The following UTRN variants were observed in gnomAD, a reference collection of about 807,000 sequenced individuals.
The protein encoded by UTRN is utrophin.
In UTRN, 283 loss-of-function variants were observed where a neutral mutation model predicts 463.9. The observed-to-expected ratio is 0.61, with a 90% CI of 0.55 to 0.67. UTRN has a LOEUF of 0.67. UTRN is among the 30% of genes least tolerant of loss of function. The pLI, the probability that UTRN is intolerant of heterozygous loss-of-function variation, is 0.00. For missense variants in UTRN, 3,922 were observed against 4,084.3 expected, an observed-to-expected ratio of 0.96 and a Z score of 1.08; for synonymous variants, 1,442 against 1,431.5, an observed-to-expected ratio of 1.01 and a Z score of -0.17.
Position 144,418,927 on chromosome 6 carries a change from T to C in UTRN, c.142-2951T>C, listed in dbSNP as rs1051373461. Among the ~76,000 whole-genome samples, 3 of 152,318 alleles carry C rather than the reference T, an allele frequency of 2.0e-5. No homozygotes were observed. In the East Asian group the frequency reaches 5.8e-4, roughly 29 times the overall value. On this transcript the variant is annotated intron_variant, in intron 3 of 74. Transcript: ENST00000367545. ...AGGGTTTCAGGCTGCCCAGGTGTTA[T>C]ATTAGCTGCCCTTGCCATCATCAGT... is the stretch of plus-strand genomic sequence containing the variant.
chr6:144,673,049 A>T (rs1781215771), intron 51 of UTRN, among the ~76,000 whole-genome samples: 1 of 152,052 alleles, frequency 6.6e-6, no homozygotes, highest in Non-Finnish European at 1.5e-5. Flanking sequence ...ACTTGATATA[A>T]TTTTGATTTT....
Position 144,510,833 on chromosome 6 carries a change from G to T in UTRN, c.4765-111G>T, listed in dbSNP as rs572700794. The T allele has an allele frequency of 4.5e-6, 4 of 892,342 alleles. No individual in the cohort carries two copies. The East Asian group carries it at 9.4e-5, about 21-fold the overall frequency. The allele number at this position is 892,342 out of a possible 1,614,324, so 55.3% of individuals were successfully genotyped here. A position where few individuals can be genotyped will look rare whatever the true frequency, so the allele number is the denominator to read the frequency against. On this transcript the variant is annotated intron_variant, in intron 34 of 74. Transcript: ENST00000367545. The stretch of plus-strand genomic sequence containing the variant: ...TTTGACATTGTAAATTATATAGGGA[G>T]TCATGGACTACTTTGTATATGTGGC...
intron 35 of UTRN, among the ~76,000 whole-genome samples, chr6:144,511,729 A>G (rs1377803182): frequency 6.6e-6 from 1 of 152,034 alleles, no homozygotes; most frequent in African/African-American, 2.4e-5. Flanking sequence ...TAAATATTGT[A>G]TATGTGTTAG....
At chr6:144,551,402 AC>A (rs1323453480) in intron 48 of UTRN, among the ~76,000 whole-genome samples, 2 of 152,188 alleles carry the variant, frequency 1.3e-5, no homozygotes, top group South Asian at 2.1e-4. Flanking sequence ...GGTTAAAGGA[AC>A]TCACAAGAAT....
chr6:144,747,712 C>G (rs1168237852), intron 54 of UTRN, among the ~76,000 whole-genome samples: 1 of 152,176 alleles, frequency 6.6e-6, no homozygotes, highest in Non-Finnish European at 1.5e-5. Context: ...TTTATTAAAA[C>G]TAAACTGCTA....
intron 49 of UTRN, among the ~76,000 whole-genome samples, chr6:144,556,353 CA>C (rs1361200178): frequency 6.6e-6 from 1 of 151,938 alleles, no homozygotes; most frequent in Non-Finnish European, 1.5e-5. Context: ...CTGTTTCCAC[CA>C]AATGACTCCC....
intron 45 of UTRN, among the ~76,000 whole-genome samples, chr6:144,539,692 A>G (rs78721906): frequency 4.7e-4 from 72 of 152,332 alleles, no homozygotes; most frequent in African/African-American, 1.5e-3. Context: ...TAATGAATAT[A>G]TGTTGGAATT....
intron 51 of UTRN, among the ~76,000 whole-genome samples, chr6:144,640,174 A>T (rs758617380): frequency 6.6e-6 from 1 of 152,196 alleles, no homozygotes; most frequent in Non-Finnish European, 1.5e-5. Context: ...GGAAGCTAAG[A>T]CATATCGTGG....
chr6:144,426,072 G>T (rs1785268465), intron 6 of UTRN, among the ~76,000 whole-genome samples: 1 of 152,138 alleles, frequency 6.6e-6, no homozygotes, highest in Non-Finnish European at 1.5e-5. Context: ...TAAAAGTGAG[G>T]TAAAAATCAC....
rs536085192 is a variant in UTRN, at chr6:144,803,228, CTT to C, written c.9357+82_9357+83del. On this transcript the variant is annotated intron_variant, in intron 65 of 74. Transcript: ENST00000367545. ...TCTAAAATTTTATTATTTATTTAGA[CTT>C]AATCTTTTTTGAAAAAATATCACTT... 65 of 874,006 alleles carry C rather than the reference CTT, an allele frequency of 7.4e-5. No homozygotes were observed. The African/African-American group carries it at 8.1e-4, about 11-fold the overall frequency. 54.1% of individuals were successfully genotyped at this position (874,006 alleles called of 1,614,324 possible). A position where few individuals can be genotyped will look rare whatever the true frequency, so the allele number is the denominator to read the frequency against.
At chr6:144,828,713 A>T in intron 68 of UTRN, 77 bp from the exon 69 acceptor site, 1 of 1,390,966 alleles carries the variant, frequency 7.2e-7, no homozygotes, top group Non-Finnish European at 1.0e-6. Context: ...ACAATTTAAA[A>T]ATGATTAAGG....
chr6:144,351,984 A>G (rs1215791340), intron 2 of UTRN, among the ~76,000 whole-genome samples: 6 of 152,198 alleles, frequency 3.9e-5, no homozygotes, highest in African/African-American at 1.4e-4. Context: ...ACCTGCTGCC[A>G]GAGTTAGTCA....
chr6:144,313,611 C>T (rs2114564469), intron 2 of UTRN, among the ~76,000 whole-genome samples: 1 of 152,352 alleles, frequency 6.6e-6, no homozygotes, highest in Middle Eastern at 3.4e-3. Context: ...GCCAAGCACC[C>T]ATGGTCTCCC....
chr6:144,313,967 T>G (rs2114565255), intron 2 of UTRN, among the ~76,000 whole-genome samples: 1 of 152,366 alleles, frequency 6.6e-6, no homozygotes, highest in African/African-American at 2.4e-5. Flanking sequence ...ATATACATGT[T>G]ATGTCTTTAA....
intron 51 of UTRN, among the ~76,000 whole-genome samples, chr6:144,673,636 A>G (rs1181084388): frequency 6.6e-6 from 1 of 152,144 alleles, no homozygotes. Flanking sequence ...TAGGCTATTT[A>G]CATTCAATGT....
intron 51 of UTRN, among the ~76,000 whole-genome samples, chr6:144,604,972 A>T (rs1017043646): frequency 6.6e-6 from 1 of 152,074 alleles, no homozygotes; most frequent in Non-Finnish European, 1.5e-5. Context: ...AAGTTTGCAA[A>T]TATTTTATCT....
intron 60 of UTRN, among the ~76,000 whole-genome samples, chr6:144,780,717 G>A (rs1374514044): frequency 3.3e-5 from 5 of 152,178 alleles, no homozygotes; most frequent in South Asian, 2.1e-4. Context: ...CCCTTGGGCA[G>A]TGTGTGCCTG....
At chr6:144,605,522 A>C (rs1252792224) in intron 51 of UTRN, among the ~76,000 whole-genome samples, 1 of 151,710 alleles carries the variant, frequency 6.6e-6, no homozygotes, top group Admixed American at 6.6e-5. Context: ...TTCCATTACC[A>C]TTCAGTTTTG....
intron 39 of UTRN, among the ~76,000 whole-genome samples, chr6:144,517,305 T>G (rs2128593525): frequency 6.6e-6 from 1 of 152,214 alleles, no homozygotes; most frequent in Admixed American, 6.5e-5. Context: ...GAAAGTGATG[T>G]AATATGATTT....
Sources: allele counts gnomAD v4.1 joint callset (sites outside exome capture counted in the v4.1 genomes callset), GRCh38; gene constraint gnomAD v4.1.1; transcripts MANE v1.5; gene names NCBI Gene and HGNC (gene_info 2026-07-23, HGNC 2026-07-21).